ARHGAP44: variants seen among roughly 807,000 people sequenced by gnomAD.
The protein encoded by ARHGAP44 is Rho GTPase activating protein 44.
Under a neutral mutation model 106.8 loss-of-function variants are expected in ARHGAP44, and 43 were observed. The ratio of observed to expected loss-of-function variants is 0.40; its 90% CI spans 0.32 to 0.52. The LOEUF (loss-of-function observed/expected upper bound fraction) is 0.52. Ranked by LOEUF, ARHGAP44 falls within the 20% of genes least tolerant of loss-of-function variation. The pLI is 0.48. For synonymous variants in ARHGAP44, 439 were observed against 410.3 expected, an observed-to-expected ratio of 1.07 and a Z score of -0.85; for missense variants, 866 against 1,050.5, an observed-to-expected ratio of 0.82 and a Z score of 2.43.
intron 1 of ARHGAP44, among the ~76,000 whole-genome samples, chr17:12,870,992 G>A (rs1170847010): frequency 6.6e-6 from 1 of 151,354 alleles, no homozygotes; most frequent in East Asian, 1.9e-4. Flanking sequence ...TTTCTTTCCC[G>A]CCTTTCTTCC....
At chr17:12,798,394 TC>T (rs1325879922) in intron 1 of ARHGAP44, among the ~76,000 whole-genome samples, 1 of 152,238 alleles carries the variant, frequency 6.6e-6, no homozygotes, top group African/African-American at 2.4e-5. Flanking sequence ...ATTTGATTTA[TC>T]ATGGCATTTG....
chr17:12,848,978 G>T (rs1457744389), intron 1 of ARHGAP44, among the ~76,000 whole-genome samples: 1 of 151,850 alleles, frequency 6.6e-6, no homozygotes, highest in Non-Finnish European at 1.5e-5. Flanking sequence ...AACTTGGGAG[G>T]TGGAGGTTGC....
intron 20 of ARHGAP44, 39 bp downstream of exon 20, chr17:12,984,947 C>T: frequency 6.4e-7 from 1 of 1,565,022 alleles, no homozygotes; most frequent in South Asian, 1.2e-5. Flanking sequence ...TTTTTATGAA[C>T]TTTAGTGAAA....
At chr17:12,943,210 T>TA (rs908466250) in intron 8 of ARHGAP44, among the ~76,000 whole-genome samples, 58 of 152,326 alleles carry the variant, frequency 3.8e-4, no homozygotes, top group African/African-American at 1.4e-3. Flanking sequence ...CCTGACTCAG[T>TA]AAATGTATTT....
chr17:12,805,799 A>G (rs2034257937), intron 1 of ARHGAP44, among the ~76,000 whole-genome samples: 2 of 152,190 alleles, frequency 1.3e-5, no homozygotes, highest in Admixed American at 1.3e-4. Context: ...AGGGAGTGAA[A>G]AGAAGCAGGA....
At chr17:12,961,220 C>T (rs1162073938) in intron 16 of ARHGAP44, among the ~76,000 whole-genome samples, 1 of 152,144 alleles carries the variant, frequency 6.6e-6, no homozygotes, top group Non-Finnish European at 1.5e-5. Flanking sequence ...AGTTCACTGG[C>T]CCACTATCTG....
At chr17:12,832,621 T>C (rs1013690370) in intron 1 of ARHGAP44, among the ~76,000 whole-genome samples, 2 of 152,234 alleles carry the variant, frequency 1.3e-5, no homozygotes, top group African/African-American at 4.8e-5. Context: ...AACTTTAAAC[T>C]AAATTCCTCC....
At chr17:12,890,976 G>A (rs977761126) in intron 1 of ARHGAP44, among the ~76,000 whole-genome samples, 1 of 152,154 alleles carries the variant, frequency 6.6e-6, no homozygotes, top group Non-Finnish European at 1.5e-5. Context: ...AGGAAGGATG[G>A]ACTTGACTTC....
At chr17:12,847,662 T>C (rs2035610215) in intron 1 of ARHGAP44, among the ~76,000 whole-genome samples, 1 of 152,016 alleles carries the variant, frequency 6.6e-6, no homozygotes, top group South Asian at 2.1e-4. Flanking sequence ...TACAGGTGCC[T>C]GCCACTGCGC....
Position 12,802,969 on chromosome 17 carries a change from A to ATT in ARHGAP44, c.53+13098_53+13099dup, listed in dbSNP as rs1162376884. 9.8e-4 allele frequency among the ~76,000 whole-genome samples: 40 copies of ATT among 40,838 alleles called. 2 individuals carry two copies. Among genetic ancestry groups the ATT allele is most frequent in the South Asian group, 1.2e-3 (1 of 824 alleles). The allele number at this position is 40,838 out of a possible 152,430, so 26.8% of individuals were successfully genotyped here. On this transcript the variant is annotated intron_variant, in intron 1 of 20. Transcript: ENST00000379672. The stretch of plus-strand genomic sequence containing the variant: ...TATATATATATATATATATATATAT[A>ATT]TTTTTTTTTTTTTTTTTTTTTGAGG...
At chr17:12,891,798 G>GTTTT (rs11408193) in intron 1 of ARHGAP44, among the ~76,000 whole-genome samples, 1 of 142,600 alleles carries the variant, frequency 7.0e-6, no homozygotes, top group Non-Finnish European at 1.5e-5. Context: ...CATTTTTGGG[G>GTTTT]TTTTTTTTTT....
intron 2 of ARHGAP44, among the ~76,000 whole-genome samples, chr17:12,895,686 A>G (rs1201334614): frequency 6.6e-6 from 1 of 152,226 alleles, no homozygotes; most frequent in Non-Finnish European, 1.5e-5. Flanking sequence ...ATTGTGGAAG[A>G]CAGTGTGGTG....
chr17:12,918,698 C>T (rs370776184), intron 5 of ARHGAP44, among the ~76,000 whole-genome samples: 26 of 152,304 alleles, frequency 1.7e-4, no homozygotes, highest in South Asian at 1.5e-3. Flanking sequence ...AGCCTCTCCA[C>T]GCTCTTCCTC....
chr17:12,849,048 C>CAAAAA (rs58661356), intron 1 of ARHGAP44, among the ~76,000 whole-genome samples: 6 of 110,096 alleles, frequency 5.4e-5, no homozygotes, highest in Admixed American at 2.9e-4. Flanking sequence ...AACTCCATCT[C>CAAAAA]AAAAAAAAAA....
intron 1 of ARHGAP44, among the ~76,000 whole-genome samples, chr17:12,852,413 G>A (rs1208337642): frequency 6.8e-6 from 1 of 147,814 alleles, no homozygotes; most frequent in Non-Finnish European, 1.5e-5. Context: ...TTTTCCCAGG[G>A]GCTTGTCTAT....
intron 3 of ARHGAP44, among the ~76,000 whole-genome samples, chr17:12,903,130 A>AGTGT (rs1567677758): frequency 1.7e-5 from 2 of 116,690 alleles, no homozygotes; most frequent in African/African-American, 6.7e-5. Flanking sequence ...GAGAGAGGAG[A>AGTGT]GAGAGAGAGA....
At chr17:12,944,822 C>G (rs1001154767) in intron 10 of ARHGAP44, among the ~76,000 whole-genome samples, 8 of 151,408 alleles carry the variant, frequency 5.3e-5, no homozygotes, top group African/African-American at 1.7e-4. Flanking sequence ...CCTTTCTCCT[C>G]CTCTTCATCT....
chr17:12,903,198 G>A (rs1204104608), intron 3 of ARHGAP44, among the ~76,000 whole-genome samples: 2 of 145,778 alleles, frequency 1.4e-5, no homozygotes, highest in African/African-American at 5.1e-5. Context: ...TGGAGGAATG[G>A]AGTGGATATT....
At chr17:12,915,768 C>T in intron 4 of ARHGAP44, 132 bp from the exon 5 acceptor site, 1 of 707,066 alleles carries the variant, frequency 1.4e-6, no homozygotes, top group Non-Finnish European at 2.4e-6. Context: ...CAGGGGAAGC[C>T]ATGGAGATCA....
Sources: allele counts gnomAD v4.1 joint callset (sites outside exome capture counted in the v4.1 genomes callset), GRCh38; gene constraint gnomAD v4.1.1; transcripts MANE v1.5; gene names NCBI Gene and HGNC (gene_info 2026-07-23, HGNC 2026-07-21).